Variants in TMPRSS12 observed in about 807,000 individuals in gnomAD.
The protein encoded by TMPRSS12 is transmembrane protease serine 12.
Under a neutral mutation model 26.0 loss-of-function variants are expected in TMPRSS12, and 25 were observed. The ratio of observed to expected loss-of-function variants is 0.96; its 90% confidence interval spans 0.70 to 1.34. The LOEUF is 1.34. TMPRSS12 is among the 40% of genes most tolerant of loss of function. The probability of loss-of-function intolerance (pLI) is 0.00; values close to 1 mark genes in which losing one functional copy is unlikely to be tolerated. For synonymous variants in TMPRSS12, 150 were observed against 161.7 expected (o/e 0.93, Z 0.55); for missense variants, 441 against 440.1 (o/e 1.00, Z -0.02).
intron 2 of TMPRSS12, among the ~76,000 whole-genome samples, chr12:50,848,716 A>T (rs1937796952): frequency 6.6e-6 from 1 of 152,212 alleles, no homozygotes; most frequent in African/African-American, 2.4e-5. Flanking sequence ...TTTATGAATA[A>T]ACCTTTATTA....
intron 2 of TMPRSS12, among the ~76,000 whole-genome samples, chr12:50,853,798 C>T (rs1241478750): frequency 1.3e-5 from 2 of 152,012 alleles, no homozygotes; most frequent in Admixed American, 1.3e-4. Flanking sequence ...AAACCCTGAA[C>T]AGACCAATAA....
intron 3 of TMPRSS12, among the ~76,000 whole-genome samples, chr12:50,866,880 T>C (rs185818479): frequency 3.0e-3 from 450 of 152,186 alleles, no homozygotes; most frequent in Non-Finnish European, 3.5e-3. Context: ...AGAAGAAAGA[T>C]AACAATCGCT....
chr12:50,880,781 C>A (rs1440530746), intron 3 of TMPRSS12, among the ~76,000 whole-genome samples: 1 of 151,898 alleles, frequency 6.6e-6, no homozygotes. Context: ...CATGATATAT[C>A]CATTCAACAG....
At chr12:50,876,358 C>T (rs1451219527) in intron 3 of TMPRSS12, among the ~76,000 whole-genome samples, 4 of 152,168 alleles carry the variant, frequency 2.6e-5, no homozygotes, top group Non-Finnish European at 5.9e-5. Context: ...AGAACTTAAA[C>T]CAGAATCACC....
At chr12:50,844,955 G>A (rs1937754089) in intron 2 of TMPRSS12, among the ~76,000 whole-genome samples, 1 of 152,206 alleles carries the variant, frequency 6.6e-6, no homozygotes, top group African/African-American at 2.4e-5. Flanking sequence ...GGGAAGCCAA[G>A]ACGGGAGGAT....
At chr12:50,859,898 CTG>C (rs1937918730) in intron 3 of TMPRSS12, among the ~76,000 whole-genome samples, 1 of 152,178 alleles carries the variant, frequency 6.6e-6, no homozygotes, top group Non-Finnish European at 1.5e-5. Context: ...TGATGCCTGA[CTG>C]TGTTTCACTC....
Position 50,843,073 on chromosome 12 carries a change from C to A in TMPRSS12, c.109C>A (p.Pro37Thr). 6.3e-7 allele frequency: 1 copy of A among 1,588,938 alleles called. No homozygotes were observed. The highest frequency in any genetic ancestry group is 8.6e-7 in the Non-Finnish European group (1 of 1,168,300). Residue 37 changes from proline to threonine, a missense_variant, in exon 1 of 5, where the codon CCG (proline) becomes ACG (threonine). Pro to Thr is a conservative substitution (Grantham distance 38). Coordinates refer to ENST00000398458, the MANE Select transcript of TMPRSS12 (RefSeq NM_182559.3). ...GCACAGGCTCGGCCCCTCGCCGGAACCGGCGGCTAGTTCCCAGCAGGCTGA... is the reference window on the plus strand; with the variant it reads ...GCACAGGCTCGGCCCCTCGCCGGAAACGGCGGCTAGTTCCCAGCAGGCTGA... Reference protein sequence around the residue: ...GRHRLGPSPEPAASSQQAEAV... With the variant: ...GRHRLGPSPETAASSQQAEAV...
At chr12:50,882,791 T>C (rs1183827594) in intron 3 of TMPRSS12, among the ~76,000 whole-genome samples, 1 of 44,800 alleles carries the variant, frequency 2.2e-5, no homozygotes, top group Non-Finnish European at 5.2e-5. Context: ...TTTTCAAAAA[T>C]AAAAAACCAG....
chr12:50,861,354 A>AT (rs1592219795), intron 3 of TMPRSS12, among the ~76,000 whole-genome samples: 1 of 151,652 alleles, frequency 6.6e-6, no homozygotes, highest in Admixed American at 6.6e-5. Context: ...TAGGATGTAG[A>AT]TAAATGTACG....
intron 3 of TMPRSS12, among the ~76,000 whole-genome samples, chr12:50,872,907 GAC>G (rs1450493296): frequency 1.5e-4 from 15 of 99,446 alleles, no homozygotes; most frequent in South Asian, 3.4e-4. Flanking sequence ...ACATATATAT[GAC>G]TATATATGTA....
At chr12:50,860,195 G>T (rs1937921446) in intron 3 of TMPRSS12, among the ~76,000 whole-genome samples, 1 of 152,174 alleles carries the variant, frequency 6.6e-6, no homozygotes, top group Non-Finnish European at 1.5e-5. Flanking sequence ...TGGCTATGAA[G>T]AATCATATTT....
At chr12:50,863,536 T>C (rs1045614899) in intron 3 of TMPRSS12, among the ~76,000 whole-genome samples, 2 of 152,184 alleles carry the variant, frequency 1.3e-5, no homozygotes, top group African/African-American at 4.8e-5. Flanking sequence ...TGTCCTTCAA[T>C]AGGAGAATGC....
chr12:50,848,091 CTTTATGT>C (rs935847296), intron 2 of TMPRSS12: 54 of 150,564 alleles, frequency 3.6e-4, no homozygotes, highest in African/African-American at 1.3e-3. Context: ...ATGGTGATAA[CTTTATGT>C]TTTAAGTATT....
At chr12:50,856,951 A>G (rs1007457201) in intron 2 of TMPRSS12, among the ~76,000 whole-genome samples, 1 of 152,102 alleles carries the variant, frequency 6.6e-6, no homozygotes, top group African/African-American at 2.4e-5. Flanking sequence ...CGGCCTCCCA[A>G]AGTGTTGGGA....
At chr12:50,849,100 A>G (rs575143026) in intron 2 of TMPRSS12, among the ~76,000 whole-genome samples, 6 of 152,250 alleles carry the variant, frequency 3.9e-5, no homozygotes, top group Non-Finnish European at 7.3e-5. Context: ...AGCTCAAGCT[A>G]TTTTCCTACC....
intron 3 of TMPRSS12, among the ~76,000 whole-genome samples, chr12:50,868,073 G>T (rs1938007923): frequency 6.6e-6 from 1 of 152,050 alleles, no homozygotes; most frequent in African/African-American, 2.4e-5. Context: ...AGTTTAAAAA[G>T]CATAAACAAA....
intron 3 of TMPRSS12, among the ~76,000 whole-genome samples, chr12:50,884,943 C>G (rs941585027): frequency 2.0e-5 from 3 of 151,542 alleles, no homozygotes; most frequent in African/African-American, 7.3e-5. Context: ...ACTCAGGAAG[C>G]TGAGGCACAA....
intron 3 of TMPRSS12, among the ~76,000 whole-genome samples, chr12:50,878,603 G>A (rs1938134989): frequency 2.0e-5 from 3 of 151,992 alleles, no homozygotes; most frequent in African/African-American, 4.8e-5. Flanking sequence ...ATTTTTGAAA[G>A]ATAGACTGTA....
At position 50,845,285 on chromosome 12, in the gene TMPRSS12, C is replaced by G. The variant is rs546114687; in HGVS notation, c.383+1248C>G. On this transcript the variant is annotated intron_variant, in intron 2 of 4. Coordinates refer to ENST00000398458, the MANE Select transcript of TMPRSS12 (RefSeq NM_182559.3). Reference sequence around the variant, plus strand: ...AGCCTTTGGCAATGTTGACCACATTCTCTTCTTGAAATTATCTCTTTTCTT... The same window carrying G: ...AGCCTTTGGCAATGTTGACCACATTGTCTTCTTGAAATTATCTCTTTTCTT... Among the ~76,000 whole-genome samples the G allele has an allele frequency of 2.0e-5, 3 of 152,324 alleles. No individual in the cohort carries two copies. The South Asian group carries it at 6.2e-4, about 32-fold the overall frequency.
Sources: gnomAD v4.1 joint callset for allele counts (sites outside exome capture counted in the v4.1 genomes callset) on GRCh38, gnomAD v4.1.1 for gene constraint, MANE v1.5 for transcripts, NCBI Gene and HGNC (gene_info 2026-07-23, HGNC 2026-07-21) for gene names.